The following ATP8A2 variants were observed in gnomAD, a reference collection of about 807,000 sequenced individuals.
The protein encoded by ATP8A2 is ATPase phospholipid transporting 8A2.
ATP8A2 carries 100 observed loss-of-function variants against 165.6 expected under a neutral mutation model. The ratio of observed to expected loss-of-function variants is 0.60; its 90% CI spans 0.51 to 0.71. ATP8A2 has a LOEUF of 0.71. Ranked by LOEUF, ATP8A2 falls within the 30% of genes least tolerant of loss-of-function variation. ATP8A2 has a pLI of 0.00. For missense variants in ATP8A2, 1,227 were observed against 1,479.5 expected (o/e 0.83, Z 2.80); for synonymous variants, 543 against 548.8 (o/e 0.99, Z 0.15).
chr13:25,880,946 C>A (rs558851751), intron 33 of ATP8A2: 43 of 456,418 alleles, frequency 9.4e-5, no homozygotes, highest in Non-Finnish European at 1.9e-4. Context: ...CAAAATTCAG[C>A]ATGAAAGCCT....
intron 4 of ATP8A2, 113 bp from the exon 5 acceptor site, chr13:25,532,159 T>C: frequency 1.3e-6 from 1 of 798,270 alleles, no homozygotes; most frequent in Non-Finnish European, 2.1e-6. Flanking sequence ...GCATGAGCAT[T>C]ATTGGCATTT....
intron 27 of ATP8A2, among the ~76,000 whole-genome samples, chr13:25,808,750 TA>T (rs1351958332): frequency 6.6e-6 from 1 of 152,146 alleles, no homozygotes; most frequent in African/African-American, 2.4e-5. Flanking sequence ...AAAGACTTTT[TA>T]TACCTGAAAT....
At chr13:25,978,814 C>A in intron 35 of ATP8A2, among the ~76,000 whole-genome samples, 1 of 152,136 alleles carries the variant, frequency 6.6e-6, no homozygotes, top group South Asian at 2.1e-4. Flanking sequence ...GTGGCGGGCG[C>A]CTGTAGTCCC....
At chr13:25,482,934 T>A (rs190786570) in intron 2 of ATP8A2, among the ~76,000 whole-genome samples, 1 of 152,336 alleles carries the variant, frequency 6.6e-6, no homozygotes, top group Admixed American at 6.5e-5. Context: ...GTCTGGGGCA[T>A]GTCTTCATCA....
At chr13:25,742,675 C>CTTT (rs1566096090) in intron 25 of ATP8A2, among the ~76,000 whole-genome samples, 1 of 125,524 alleles carries the variant, frequency 8.0e-6, no homozygotes. Flanking sequence ...CTCTCTCTCT[C>CTTT]TCTGTCTTTT....
intron 24 of ATP8A2, among the ~76,000 whole-genome samples, chr13:25,693,663 A>ATCTC (rs1214033953): frequency 1.4e-4 from 11 of 75,996 alleles, no homozygotes; most frequent in African/African-American, 4.4e-4. Flanking sequence ...CATCCCTCAG[A>ATCTC]TCTCTCTGTC....
At chr13:25,677,744 C>G (rs554955374) in intron 24 of ATP8A2, among the ~76,000 whole-genome samples, 1 of 152,262 alleles carries the variant, frequency 6.6e-6, no homozygotes, top group South Asian at 2.1e-4. Flanking sequence ...GGTCTTCAGC[C>G]TGTGTTTGAA....
chr13:25,606,962 CTGTT>C (rs1326505819), intron 24 of ATP8A2, among the ~76,000 whole-genome samples: 2 of 152,118 alleles, frequency 1.3e-5, no homozygotes, highest in Non-Finnish European at 2.9e-5. Flanking sequence ...GGTCCATGGC[CTGTT>C]AGGAACTGGG....
At chr13:25,769,342 G>A (rs2044567816) in intron 26 of ATP8A2, 113 bp downstream of exon 26, 1 of 1,074,374 alleles carries the variant, frequency 9.3e-7, no homozygotes, top group African/African-American at 1.6e-5. Context: ...CCCTCTTGAG[G>A]TTGCTGTCTA....
intron 24 of ATP8A2, among the ~76,000 whole-genome samples, chr13:25,667,908 T>C (rs1207080513): frequency 6.6e-6 from 1 of 152,196 alleles, no homozygotes; most frequent in Non-Finnish European, 1.5e-5. Flanking sequence ...TTTGAAATGG[T>C]GCCAGTGTAG....
chr13:25,865,570 C>T (rs778539617), intron 33 of ATP8A2, among the ~76,000 whole-genome samples: 6 of 152,128 alleles, frequency 3.9e-5, no homozygotes, highest in Admixed American at 3.3e-4. Context: ...GTTTTTCTCA[C>T]GGAGAAGAAT....
At chr13:25,470,459 A>G (rs920702131) in intron 2 of ATP8A2, among the ~76,000 whole-genome samples, 3 of 152,228 alleles carry the variant, frequency 2.0e-5, no homozygotes, top group African/African-American at 7.2e-5. Flanking sequence ...AGAACTTGGT[A>G]TCCTCATGCA....
intron 7 of ATP8A2, among the ~76,000 whole-genome samples, chr13:25,539,518 C>T (rs78090876): frequency 0.019 from 2,950 of 152,068 alleles, 48 homozygotes; most frequent in Non-Finnish European, 0.03. Context: ...TGCTGAACAA[C>T]CTGTTGAGGA....
chr13:25,838,531 G>A (rs1261883335), intron 29 of ATP8A2, among the ~76,000 whole-genome samples: 1 of 151,558 alleles, frequency 6.6e-6, no homozygotes, highest in Non-Finnish European at 1.5e-5. Flanking sequence ...AGCTGAGAAT[G>A]CACGGAAACT....
chr13:25,944,522 C>T (rs1186668438), intron 33 of ATP8A2: 1 of 151,686 alleles, frequency 6.6e-6, no homozygotes, highest in Non-Finnish European at 1.5e-5. Context: ...GAATACAGGC[C>T]TGTAGAAGGA....
chr13:26,008,298 G>A lies in ATP8A2; in HGVS notation c.3378-4233G>A, dbSNP rs143596246. 5.0e-3 allele frequency among the ~76,000 whole-genome samples: 760 copies of A among 152,240 alleles called. 11 individuals carry two copies. The highest frequency in any genetic ancestry group is 0.017 in the African/African-American group (726 of 41,528). ...ACAGATATCAAAAAGCAAGAGAAGG[G>A]TAGTATGTAAGAACAGGTGGATTTG... On this transcript the variant is annotated intron_variant, in intron 35 of 36. Coordinates refer to ENST00000381655, the MANE Select transcript of ATP8A2 (RefSeq NM_016529.6).
chr13:25,755,466 A>C (rs2044241023), intron 25 of ATP8A2, among the ~76,000 whole-genome samples: 1 of 152,264 alleles, frequency 6.6e-6, no homozygotes, highest in African/African-American at 2.4e-5. Context: ...CATTGTGTGC[A>C]AAGCATTCCG....
At chr13:25,821,131 T>A (rs1361353563) in intron 27 of ATP8A2, among the ~76,000 whole-genome samples, 4 of 152,194 alleles carry the variant, frequency 2.6e-5, no homozygotes, top group Non-Finnish European at 5.9e-5. Flanking sequence ...ATATCAAAAG[T>A]CTTTGAAGAA....
At chr13:25,436,505 C>A (rs190301211) in intron 1 of ATP8A2, among the ~76,000 whole-genome samples, 1 of 152,250 alleles carries the variant, frequency 6.6e-6, no homozygotes, top group East Asian at 1.9e-4. Flanking sequence ...TTTATCCAGG[C>A]CACCACTGAT....
Sources: allele counts gnomAD v4.1 joint callset (sites outside exome capture counted in the v4.1 genomes callset), GRCh38; gene constraint gnomAD v4.1.1; transcripts MANE v1.5; gene names NCBI Gene and HGNC (gene_info 2026-07-23, HGNC 2026-07-21).